The following ANKRD36 variants were observed in gnomAD, a reference collection of about 807,000 sequenced individuals.
The protein encoded by ANKRD36 is ankyrin repeat domain-containing protein 36A.
ANKRD36 carries 179 observed loss-of-function variants against 278.1 expected under a neutral mutation model. The ratio of observed to expected loss-of-function variants is 0.64; its 90% CI spans 0.57 to 0.73. The LOEUF is 0.73. Ranked by LOEUF, ANKRD36 falls within the 30% of genes least tolerant of loss-of-function variation. ANKRD36 has a pLI of 0.00. For synonymous variants in ANKRD36, 320 were observed against 641.1 expected (o/e 0.50, Z 7.57); for missense variants, 1,159 against 1,956.7 (o/e 0.59, Z 7.69).
chr2:97,173,645 G>T (rs1250813234), intron 22 of ANKRD36, among the ~76,000 whole-genome samples: 1 of 151,838 alleles, frequency 6.6e-6, no homozygotes, highest in Non-Finnish European at 1.5e-5. Context: ...ATGGATGTTA[G>T]ATTTATGAAC....
intron 17 of ANKRD36, among the ~76,000 whole-genome samples, chr2:97,159,476 T>A (rs554499337): frequency 0.022 from 3,279 of 149,350 alleles, 114 homozygotes; most frequent in African/African-American, 0.069. Flanking sequence ...CTCACTTTTT[T>A]AAATTTCAGT....
intron 46 of ANKRD36, among the ~76,000 whole-genome samples, chr2:97,201,524 A>G (rs1462346887): frequency 6.6e-6 from 1 of 151,950 alleles, no homozygotes; most frequent in Non-Finnish European, 1.5e-5. Flanking sequence ...ATTGAGGCTA[A>G]TATATTATCC....
chr2:97,115,435 A>G (rs1338516569), intron 1 of ANKRD36, among the ~76,000 whole-genome samples: 16 of 152,292 alleles, frequency 1.1e-4, no homozygotes, highest in African/African-American at 3.6e-4. Context: ...TTTATAAGAA[A>G]AAATTAACAA....
At chr2:97,195,374 A>G (rs1387434817) in intron 40 of ANKRD36, among the ~76,000 whole-genome samples, 2 of 151,944 alleles carry the variant, frequency 1.3e-5, no homozygotes, top group Non-Finnish European at 2.9e-5. Flanking sequence ...ATGAAGACGG[A>G]TTGTGAGGCA....
intron 26 of ANKRD36, among the ~76,000 whole-genome samples, chr2:97,182,940 G>A (rs2056587441): frequency 6.6e-6 from 1 of 151,548 alleles, no homozygotes; most frequent in Non-Finnish European, 1.5e-5. Context: ...TTGAGGCTGG[G>A]CCACTTCCAC....
At chr2:97,123,175 TAAAG>T (rs2037387570) in intron 4 of ANKRD36, among the ~76,000 whole-genome samples, 182 bp downstream of exon 4, 1 of 151,842 alleles carries the variant, frequency 6.6e-6, no homozygotes, top group African/African-American at 2.4e-5. Context: ...CTGAGTAACA[TAAAG>T]AACAGTGTAT....
intron 66 of ANKRD36, among the ~76,000 whole-genome samples, chr2:97,224,436 G>GTTTTTTTTT (rs1457069314): frequency 2.1e-5 from 3 of 142,476 alleles, no homozygotes; most frequent in Non-Finnish European, 4.5e-5. Context: ...CTATCGTTTT[G>GTTTTTTTTT]TTTTTTTGTT....
intron 6 of ANKRD36, among the ~76,000 whole-genome samples, chr2:97,137,731 A>C (rs1343764599): frequency 1.3e-5 from 2 of 152,058 alleles, no homozygotes; most frequent in Non-Finnish European, 2.9e-5. Flanking sequence ...CAACAGTGTA[A>C]AAGCATTCCT....
At chr2:97,231,719 T>C (rs2072182799) in intron 67 of ANKRD36, among the ~76,000 whole-genome samples, 1 of 152,122 alleles carries the variant, frequency 6.6e-6, no homozygotes, top group Non-Finnish European at 1.5e-5. Flanking sequence ...ACCACCCATC[T>C]TCTGCGTCGC....
chr2:97,157,350 G>C (rs1226440712), intron 15 of ANKRD36, among the ~76,000 whole-genome samples: 1 of 151,200 alleles, frequency 6.6e-6, no homozygotes, highest in Non-Finnish European at 1.5e-5. Context: ...TGATTGACTG[G>C]TCATGTCTCT....
chr2:97,231,337 G>A (rs1345605015), intron 67 of ANKRD36, among the ~76,000 whole-genome samples: 7 of 152,158 alleles, frequency 4.6e-5, no homozygotes, highest in Non-Finnish European at 1.0e-4. Flanking sequence ...CCTGGGCAAT[G>A]GCAGGTGCCC....
At chr2:97,205,250 T>C (rs2153608600) in intron 50 of ANKRD36, among the ~76,000 whole-genome samples, 1 of 151,730 alleles carries the variant, frequency 6.6e-6, no homozygotes, top group Non-Finnish European at 1.5e-5. Flanking sequence ...GATGATATTT[T>C]TATTGAGGCT....
At chr2:97,206,767 A>G (rs1357084643) in intron 52 of ANKRD36, among the ~76,000 whole-genome samples, 1 of 151,454 alleles carries the variant, frequency 6.6e-6, no homozygotes, top group Non-Finnish European at 1.5e-5. Flanking sequence ...AATTGGCATA[A>G]AAACACACTG....
At chr2:97,210,990 A>G (rs1360307322) in intron 56 of ANKRD36, among the ~76,000 whole-genome samples, 2 of 151,892 alleles carry the variant, frequency 1.3e-5, no homozygotes, top group Non-Finnish European at 2.9e-5. Context: ...AATATTATCT[A>G]CTAGGTATCA....
Position 97,229,777 on chromosome 2 carries a change from G to A in ANKRD36, c.3952-3953G>A, listed in dbSNP as rs1360235321. Among the ~76,000 whole-genome samples the A allele has an allele frequency of 1.2e-4, 18 of 152,128 alleles. No individual in the cohort carries two copies. The South Asian group carries it at 1.5e-3, about 12-fold the overall frequency. On this transcript the variant is annotated intron_variant, in intron 67 of 75. Coordinates refer to ENST00000420699, the MANE Select transcript of ANKRD36 (RefSeq NM_001354587.1). ...GCATGATTTTGCAGTGGCTGGTACCGGTTGTTCCTTTCCATGTTTAGTGCT... is the reference window on the plus strand; with the variant it reads ...GCATGATTTTGCAGTGGCTGGTACCAGTTGTTCCTTTCCATGTTTAGTGCT...
chr2:97,202,918 C>G (rs1171966889), intron 48 of ANKRD36, among the ~76,000 whole-genome samples: 1 of 151,702 alleles, frequency 6.6e-6, no homozygotes, highest in Non-Finnish European at 1.5e-5. Flanking sequence ...CTGAGGAAAC[C>G]TGAGTGAACT....
At chr2:97,204,967 A>G (rs2062446797) in intron 50 of ANKRD36, among the ~76,000 whole-genome samples, 1 of 151,514 alleles carries the variant, frequency 6.6e-6, no homozygotes, top group African/African-American at 2.4e-5. Flanking sequence ...GATTTTAGTT[A>G]TAGAAATGAG....
rs1245277993 is a variant in ANKRD36, at chr2:97,179,786, T to A, written c.1662+20T>A. ...GAGAAGGTAATTAAAGTCTCATTTA[T>A]ATGTTGAACTATTAACTGTATAGTC... On this transcript the variant is annotated intron_variant, in intron 23 of 75. Coordinates refer to ENST00000420699, the MANE Select transcript of ANKRD36 (RefSeq NM_001354587.1). The A allele has an allele frequency of 2.5e-6, 4 of 1,595,664 alleles. No homozygotes were observed. The highest frequency in any genetic ancestry group is 3.4e-6 in the Non-Finnish European group (4 of 1,177,860).
At chr2:97,176,881 A>T (rs996982640) in intron 22 of ANKRD36, among the ~76,000 whole-genome samples, 3 of 151,740 alleles carry the variant, frequency 2.0e-5, no homozygotes, top group Non-Finnish European at 4.4e-5. Context: ...TCCTTCACTT[A>T]TGAAGCTTAG....
Sources: allele counts gnomAD v4.1 joint callset (sites outside exome capture counted in the v4.1 genomes callset), GRCh38; gene constraint gnomAD v4.1.1; transcripts MANE v1.5; gene names NCBI Gene and HGNC (gene_info 2026-07-23, HGNC 2026-07-21).